Variants in SLC25A25 observed in about 807,000 individuals in gnomAD.
SLC25A25 encodes the protein mitochondrial adenyl nucleotide antiporter SLC25A25.
A neutral mutation model predicts 57.7 loss-of-function variants in SLC25A25; 32 were observed. That is an observed-to-expected ratio of 0.55 (90% CI 0.42 to 0.74). The LOEUF is 0.74. SLC25A25 is among the 30% of genes least tolerant of loss of function. SLC25A25 has a pLI of 0.00. For missense variants in SLC25A25, 556 were observed against 701.3 expected, an observed-to-expected ratio of 0.79 and a Z score of 2.34; for synonymous variants, 306 against 291.2, an observed-to-expected ratio of 1.05 and a Z score of -0.52.
rs1165927688 is a variant in SLC25A25 at position 128,105,983 on chromosome 9, C to T, written c.936+102C>T. ...GAGCTCCCTGACACTTGGAGCCAGCCGTGGTACCCCAGGGACAGCAGGGCG... is the reference window on the plus strand; with the variant it reads ...GAGCTCCCTGACACTTGGAGCCAGCTGTGGTACCCCAGGGACAGCAGGGCG... On this transcript the variant is annotated intron_variant, in intron 7 of 10. Coordinates refer to ENST00000373069, the MANE Select transcript of SLC25A25 (RefSeq NM_001330988.2). 11 of 1,552,704 alleles carry T rather than the reference C, an allele frequency of 7.1e-6. 1 individual carries two copies. The highest frequency in any genetic ancestry group is 6.7e-5 in the East Asian group (3 of 44,478).
At position 128,101,189 on chromosome 9, in the gene SLC25A25, C is replaced by T; in HGVS notation, c.355C>T (p.Leu119=). ...CCAAGATCATGAGAAGAAGCTGAGGCTGGTGTTTAAGAGTTTGGACAAAAA... is the reference window on the plus strand; with the variant it reads ...CCAAGATCATGAGAAGAAGCTGAGGTTGGTGTTTAAGAGTTTGGACAAAAA... ...YLQDHEKKLR[L]VFKSLDKKND... The change falls in exon 2 of 11, where the codon CTG becomes TTG. Residue 119 remains leucine (L), a synonymous_variant. Transcript: ENST00000373069. The surrounding 1 kb of genome is among the most constrained non-coding windows in gnomAD (Gnocchi z 4.9). The T allele has an allele frequency of 6.2e-7, 1 of 1,614,230 alleles. No individual in the cohort carries two copies. The highest frequency in any genetic ancestry group is 8.5e-7 in the Non-Finnish European group (1 of 1,180,040).
chr9:128,096,102 C>G (rs1181983046), intron 1 of SLC25A25, among the ~76,000 whole-genome samples: 1 of 149,164 alleles, frequency 6.7e-6, no homozygotes, highest in Admixed American at 6.8e-5. Flanking sequence ...CAAAGGAAGA[C>G]CAGCATTTTT....
rs768535577 is a variant in SLC25A25 at position 128,068,278 on chromosome 9, C to T, written c.-42C>T. On this transcript the variant is annotated 5_prime_UTR_variant, in exon 1 of 11. Transcript: ENST00000373069. ...CCGCGCGGTCACCGCCGGCCCGCCG[C>T]CCCCGCTCCCGCCCGCGCCCGGAGC... 1 of 1,201,232 alleles carries T rather than the reference C, an allele frequency of 8.3e-7. No homozygotes were observed. The highest frequency in any genetic ancestry group is 1.1e-6 in the Non-Finnish European group (1 of 946,396). 74.4% of individuals were successfully genotyped at this position (1,201,232 alleles called of 1,614,324 possible). A position where few individuals can be genotyped will look rare whatever the true frequency, so the allele number is the denominator to read the frequency against.
chr9:128,088,781 G>C (rs1274503793), intron 1 of SLC25A25, among the ~76,000 whole-genome samples: 1 of 152,176 alleles, frequency 6.6e-6, no homozygotes, highest in Non-Finnish European at 1.5e-5. Flanking sequence ...TCTGTGGTAG[G>C]AGGAAGTGCA....
At chr9:128,086,180 T>TTA (rs386416279) in intron 1 of SLC25A25, among the ~76,000 whole-genome samples, 1 of 151,194 alleles carries the variant, frequency 6.6e-6, no homozygotes, top group Non-Finnish European at 1.5e-5. Flanking sequence ...TTGTTTTTTT[T>TTA]TAGACAAGAT....
At chr9:128,071,360 T>C (rs1832904302) in intron 1 of SLC25A25, among the ~76,000 whole-genome samples, 1 of 152,160 alleles carries the variant, frequency 6.6e-6, no homozygotes, top group Non-Finnish European at 1.5e-5. Flanking sequence ...TCTTTATTCT[T>C]TTGGTGTGTG....
intron 1 of SLC25A25, among the ~76,000 whole-genome samples, chr9:128,087,409 G>A (rs1451270761): frequency 1.3e-5 from 2 of 152,166 alleles, no homozygotes; most frequent in Non-Finnish European, 2.9e-5. Flanking sequence ...CTACAAGCAT[G>A]AGCCACCATG....
chr9:128,095,237 G>A lies in SLC25A25; in HGVS notation c.262-5859G>A, dbSNP rs138378783. Among the ~76,000 whole-genome samples, 11 of 152,294 alleles carry A rather than the reference G, an allele frequency of 7.2e-5. No individual in the cohort carries two copies. Among genetic ancestry groups the A allele is most frequent in the Admixed American group, 2.0e-4 (3 of 15,304 alleles). On this transcript the variant is annotated intron_variant, in intron 1 of 10. Coordinates refer to ENST00000373069, the MANE Select transcript of SLC25A25 (RefSeq NM_001330988.2). The surrounding 1 kb of genome is among the most constrained non-coding windows in gnomAD (Gnocchi z 4.4). ...GGTATCACCTACTGTCTGGCTTACC[G>A]GCATCCTTTGGGAACTGAATACTAA...
At position 128,102,271 on chromosome 9, in the gene SLC25A25, G is replaced by A. The variant is rs894240319; in HGVS notation, c.513-99G>A. On this transcript the variant is annotated intron_variant, in intron 4 of 10. Transcript: ENST00000373069. This position sits in a 1 kb window ranked among gnomAD's most constrained non-coding sequence, Gnocchi z 4.1. ...GGCAGAGGCACCTCGTGTGGTTTCTGGGCATCCGAATGCCTGCCCTTGGCT... is the reference window on the plus strand; with the variant it reads ...GGCAGAGGCACCTCGTGTGGTTTCTAGGCATCCGAATGCCTGCCCTTGGCT... 38 of 1,421,090 alleles carry A rather than the reference G, an allele frequency of 2.7e-5. No individual in the cohort carries two copies. Among genetic ancestry groups the A allele is most frequent in the Non-Finnish European group, 3.3e-5 (34 of 1,023,490 alleles). The allele number at this position is 1,421,090 out of a possible 1,614,324, so 88.0% of individuals were successfully genotyped here.
At chr9:128,104,490 G>C in intron 6 of SLC25A25, among the ~76,000 whole-genome samples, 1 of 152,210 alleles carries the variant, frequency 6.6e-6, no homozygotes, top group Middle Eastern at 3.2e-3. Flanking sequence ...CCTCGGGCTT[G>C]GACTCTGCCC....
intron 1 of SLC25A25, among the ~76,000 whole-genome samples, chr9:128,073,037 C>G (rs1832939614): frequency 6.6e-6 from 1 of 152,128 alleles, no homozygotes; most frequent in East Asian, 1.9e-4. Context: ...CTCTTTTGAG[C>G]CCCACAAAAA....
At chr9:128,088,679 T>C (rs549487563) in intron 1 of SLC25A25, among the ~76,000 whole-genome samples, 1 of 152,338 alleles carries the variant, frequency 6.6e-6, no homozygotes, top group East Asian at 1.9e-4. Context: ...TTGTTTTCTA[T>C]GTTTTGTTTG....
At chr9:128,091,629 G>A in intron 1 of SLC25A25, 1 of 1,187,152 alleles carries the variant, frequency 8.4e-7, no homozygotes, top group Non-Finnish European at 1.0e-6. Context: ...AGCTCCAGCT[G>A]CTTTCTCCTT....
chr9:128,091,164 C>T lies in SLC25A25; in HGVS notation c.262-9932C>T, dbSNP rs576378490. The T allele has an allele frequency of 2.6e-5, 4 of 152,384 alleles. No individual in the cohort carries two copies. In the East Asian group the frequency reaches 7.7e-4, roughly 29 times the overall value. The allele number at this position is 152,384 out of a possible 1,614,324, so 9.4% of individuals were successfully genotyped here. A position where few individuals can be genotyped will look rare whatever the true frequency, so the allele number is the denominator to read the frequency against. On this transcript the variant is annotated intron_variant, in intron 1 of 10. Transcript: ENST00000373069. ...CTCTTAGGACATGCTGCCAAGGACTCTTGATGGTGTTGCACTTGATGGTGA... is the reference window on the plus strand; with the variant it reads ...CTCTTAGGACATGCTGCCAAGGACTTTTGATGGTGTTGCACTTGATGGTGA...
At chr9:128,082,838 G>T (rs1271742398) in intron 1 of SLC25A25, among the ~76,000 whole-genome samples, 1 of 151,838 alleles carries the variant, frequency 6.6e-6, no homozygotes, top group Non-Finnish European at 1.5e-5. Flanking sequence ...TCACCATGTT[G>T]GCCAGGCTGG....
chr9:128,080,362 A>G (rs1012966270), intron 1 of SLC25A25, among the ~76,000 whole-genome samples: 2 of 151,352 alleles, frequency 1.3e-5, no homozygotes, highest in African/African-American at 2.4e-5. Context: ...AAAAAAAAAA[A>G]AAAAAAAAAA....
In SLC25A25 at chr9:128,103,872, G is replaced by A; in HGVS notation, c.783+33G>A. ...GGGAAAAGGCCCCAGACCCCTGGGG[G>A]GCCAGTTTCCACCTGGGGGATGCTG... On this transcript the variant is annotated intron_variant, in intron 6 of 10. Transcript: ENST00000373069. The surrounding 1 kb of genome is among the most constrained non-coding windows in gnomAD (Gnocchi z 6.7). 6.7e-7 allele frequency: 1 copy of A among 1,494,324 alleles called. No individual in the cohort carries two copies. The highest frequency in any genetic ancestry group is 8.9e-7 in the Non-Finnish European group (1 of 1,122,542). 92.6% of individuals were successfully genotyped at this position (1,494,324 alleles called of 1,614,324 possible).
In SLC25A25 at chr9:128,106,591, C is replaced by T. The variant is rs138738424; in HGVS notation, c.1212+71C>T. 3.1e-5 allele frequency: 47 copies of T among 1,496,992 alleles called. No individual in the cohort carries two copies. In the East Asian group the frequency reaches 3.6e-4, roughly 12 times the overall value. The allele number at this position is 1,496,992 out of a possible 1,614,324, so 92.7% of individuals were successfully genotyped here. ...CTCCACCTGCTGTCTCCCTCCTTGA[C>T]GGACGCGTGGTTAGTGCAGGAAACT... On this transcript the variant is annotated intron_variant, in intron 9 of 10. Coordinates refer to ENST00000373069, the MANE Select transcript of SLC25A25 (RefSeq NM_001330988.2).
At chr9:128,094,315 A>G (rs1833498578) in intron 1 of SLC25A25, 1 of 152,082 alleles carries the variant, frequency 6.6e-6, no homozygotes, top group South Asian at 2.1e-4. Flanking sequence ...TCTTTGTCTT[A>G]CAGTTAATCT....
Sources: allele counts gnomAD v4.1 joint callset (sites outside exome capture counted in the v4.1 genomes callset), GRCh38; gene constraint gnomAD v4.1.1; non-coding constraint Gnocchi (gnomAD v3.1); transcripts MANE v1.5; gene names NCBI Gene and HGNC (gene_info 2026-07-23, HGNC 2026-07-21).